Variants in FHIT observed in about 807,000 individuals in gnomAD.
The protein encoded by FHIT is fragile histidine triad diadenosine triphosphatase.
A neutral mutation model predicts 17.9 loss-of-function variants in FHIT; 19 were observed. The ratio of observed to expected loss-of-function variants is 1.06; its 90% confidence interval spans 0.74 to 1.56. The LOEUF (loss-of-function observed/expected upper bound fraction) is 1.56. Among genes scored for constraint, FHIT ranks in the 40% most tolerant of loss-of-function variants. The pLI is 0.00. For missense variants in FHIT, 248 were observed against 189.2 expected, an observed-to-expected ratio of 1.31 and a Z score of -1.82; for synonymous variants, 81 against 69.7, an observed-to-expected ratio of 1.16 and a Z score of -0.81.
At chr3:61,120,739 A>T (rs1023874064) in intron 2 of FHIT, among the ~76,000 whole-genome samples, 2 of 152,110 alleles carry the variant, frequency 1.3e-5, no homozygotes, top group African/African-American at 2.4e-5. Context: ...TGGACCAAGA[A>T]TGAGTTTGAC....
intron 5 of FHIT, among the ~76,000 whole-genome samples, chr3:60,279,800 G>T (rs768618370): frequency 5.1e-4 from 78 of 152,162 alleles, no homozygotes; most frequent in Non-Finnish European, 4.7e-4. Flanking sequence ...GGGAGGCCGA[G>T]ACGGGCAGAT....
At chr3:61,199,756 G>GA in intron 2 of FHIT, among the ~76,000 whole-genome samples, 1 of 151,794 alleles carries the variant, frequency 6.6e-6, no homozygotes, top group African/African-American at 2.4e-5. Flanking sequence ...AAAAATGACA[G>GA]AAAAAAACCC....
chr3:59,783,459 C>T (rs996075308), intron 8 of FHIT, among the ~76,000 whole-genome samples: 3 of 152,132 alleles, frequency 2.0e-5, no homozygotes, highest in Non-Finnish European at 4.4e-5. Context: ...CAGAGCGAGA[C>T]TTGATCTCAC....
intron 5 of FHIT, among the ~76,000 whole-genome samples, chr3:60,126,171 C>G (rs953052275): frequency 1.2e-4 from 19 of 152,164 alleles, no homozygotes; most frequent in Non-Finnish European, 2.6e-4. Flanking sequence ...CCAAAGTACT[C>G]TGTTTTCCCA....
Position 60,820,675 on chromosome 3 carries a change from CT to C in FHIT, c.-18+1243del, listed in dbSNP as rs1211731303. On this transcript the variant is annotated intron_variant, in intron 4 of 9. Coordinates refer to ENST00000492590, the MANE Select transcript of FHIT (RefSeq NM_002012.4). The stretch of plus-strand genomic sequence containing the variant: ...AAGGGAAGGCAGCACGAAGGATAAG[CT>C]GGCTGACATTGTAAAGTGGATACAG... 3.9e-5 allele frequency among the ~76,000 whole-genome samples: 6 copies of C among 152,314 alleles called. No individual in the cohort carries two copies. In the East Asian group the frequency reaches 5.8e-4, roughly 15 times the overall value.
rs191928631 is a variant in FHIT, at chr3:60,156,653, G to A, written c.104-142501C>T. Among the ~76,000 whole-genome samples the A allele has an allele frequency of 3.3e-5, 5 of 152,248 alleles. No homozygotes were observed. In the East Asian group the frequency reaches 7.7e-4, roughly 24 times the overall value. Reference sequence around the variant, plus strand: ...TGTAGTCCCATCTACTCAGGAGGCTGAGGTGAGAGGATTACTTGAGCCTAA... The same window carrying A: ...TGTAGTCCCATCTACTCAGGAGGCTAAGGTGAGAGGATTACTTGAGCCTAA... On this transcript the variant is annotated intron_variant, in intron 5 of 9. Transcript: ENST00000492590.
At chr3:60,125,167 A>G (rs2107239289) in intron 5 of FHIT, among the ~76,000 whole-genome samples, 1 of 152,336 alleles carries the variant, frequency 6.6e-6, no homozygotes, top group East Asian at 1.9e-4. Context: ...AAGGTCATGG[A>G]GCAAGATGGA....
intron 7 of FHIT, among the ~76,000 whole-genome samples, chr3:59,949,904 CACA>C (rs1463529247): frequency 6.6e-6 from 1 of 152,192 alleles, no homozygotes; most frequent in Non-Finnish European, 1.5e-5. Context: ...CCTTACAAAT[CACA>C]ACAACAATGC....
intron 5 of FHIT, among the ~76,000 whole-genome samples, chr3:60,256,329 C>G (rs1705990817): frequency 1.3e-5 from 2 of 152,148 alleles, no homozygotes; most frequent in South Asian, 4.1e-4. Context: ...TCAAGCTCCC[C>G]AAATTTCCTT....
At chr3:60,136,429 C>T (rs17062321) in intron 5 of FHIT, among the ~76,000 whole-genome samples, 24,055 of 152,066 alleles carry the variant, frequency 0.16, 3,157 homozygotes, top group African/African-American at 0.36. Flanking sequence ...ATCTGGCACC[C>T]TTTGCTCAGA....
intron 6 of FHIT, 38 bp from the exon 7 acceptor site, chr3:60,011,438 T>A: frequency 6.4e-7 from 1 of 1,559,234 alleles, no homozygotes; most frequent in Non-Finnish European, 8.8e-7. Flanking sequence ...TGAGAATAGA[T>A]AGATGGTATC....
Position 60,093,041 on chromosome 3 carries a change from T to C in FHIT, c.104-78889A>G, listed in dbSNP as rs531383327. ...ACAGGAAAATTAGGTAACCACTGCC[T>C]CACTTACAAGGCAACGCATCAGTTT... is the stretch of plus-strand genomic sequence containing the variant. On this transcript the variant is annotated intron_variant, in intron 5 of 9. Coordinates refer to ENST00000492590, the MANE Select transcript of FHIT (RefSeq NM_002012.4). 2.6e-5 allele frequency among the ~76,000 whole-genome samples: 4 copies of C among 152,258 alleles called. 1 individual carries two copies. In the East Asian group the frequency reaches 7.7e-4, roughly 29 times the overall value.
At chr3:60,370,065 C>T (rs1056752232) in intron 5 of FHIT, among the ~76,000 whole-genome samples, 1 of 152,182 alleles carries the variant, frequency 6.6e-6, no homozygotes, top group Non-Finnish European at 1.5e-5. Flanking sequence ...TGATTCGCTG[C>T]CTATGTCCGA....
intron 7 of FHIT, among the ~76,000 whole-genome samples, chr3:59,959,949 G>A (rs758826277): frequency 2.0e-5 from 3 of 152,132 alleles, no homozygotes; most frequent in Non-Finnish European, 4.4e-5. Context: ...ATATGTAGAG[G>A]TTCATGGAGG....
At chr3:60,760,322 TA>T (rs1200617832) in intron 4 of FHIT, among the ~76,000 whole-genome samples, 1 of 152,138 alleles carries the variant, frequency 6.6e-6, no homozygotes, top group Non-Finnish European at 1.5e-5. Flanking sequence ...GCAGGTAGGC[TA>T]GTGAGAGCAT....
intron 4 of FHIT, among the ~76,000 whole-genome samples, chr3:60,641,917 A>G (rs2039734162): frequency 6.6e-6 from 1 of 151,756 alleles, no homozygotes; most frequent in Non-Finnish European, 1.5e-5. Context: ...GAATGCCTTT[A>G]GTATCCTGGG....
chr3:60,140,858 G>A (rs923630675), intron 5 of FHIT, among the ~76,000 whole-genome samples: 9 of 152,118 alleles, frequency 5.9e-5, no homozygotes, highest in African/African-American at 1.4e-4. Flanking sequence ...GATTACAGGC[G>A]TGAGCCAATG....
intron 8 of FHIT, among the ~76,000 whole-genome samples, chr3:59,804,491 A>G (rs1277379003): frequency 6.6e-6 from 1 of 152,238 alleles, no homozygotes; most frequent in Non-Finnish European, 1.5e-5. Context: ...GCAGAGATTT[A>G]TTGAAAATGA....
At chr3:60,394,150 T>A (rs989958800) in intron 5 of FHIT, among the ~76,000 whole-genome samples, 1 of 152,102 alleles carries the variant, frequency 6.6e-6, no homozygotes, top group Admixed American at 6.6e-5. Context: ...CTGGTTTGAC[T>A]GGGTCAGAGG....
Sources: gnomAD v4.1 joint callset for allele counts (sites outside exome capture counted in the v4.1 genomes callset) on GRCh38, gnomAD v4.1.1 for gene constraint, MANE v1.5 for transcripts, NCBI Gene and HGNC (gene_info 2026-07-23, HGNC 2026-07-21) for gene names.